The following ATF7 variants were observed in gnomAD, a reference collection of about 807,000 sequenced individuals.
The protein encoded by ATF7 is cyclic AMP-dependent transcription factor ATF-7.
Under a neutral mutation model 50.4 loss-of-function variants are expected in ATF7, and 10 were observed. That is an observed-to-expected ratio of 0.20 (90% CI 0.12 to 0.34). ATF7 has a LOEUF of 0.34. Ranked by LOEUF, ATF7 falls within the 10% of genes least tolerant of loss-of-function variation. The pLI is 1.00. For synonymous variants in ATF7, 201 were observed against 226.4 expected (o/e 0.89, Z 1.01); for missense variants, 465 against 613.9 (o/e 0.76, Z 2.56).
chr12:53,612,840 C>T (rs954738271), intron 1 of ATF7, among the ~76,000 whole-genome samples: 1 of 152,066 alleles, frequency 6.6e-6, no homozygotes, highest in Non-Finnish European at 1.5e-5. Context: ...CCTGTCTCTA[C>T]TAAAAATACA....
At chr12:53,557,771 A>G (rs766277056) in intron 2 of ATF7, among the ~76,000 whole-genome samples, 6 of 152,240 alleles carry the variant, frequency 3.9e-5, no homozygotes, top group Non-Finnish European at 7.3e-5. Flanking sequence ...CTAGCCACAC[A>G]TAGCTATTGA....
chr12:53,571,569 A>G (rs1282449482), intron 2 of ATF7, among the ~76,000 whole-genome samples: 1 of 151,478 alleles, frequency 6.6e-6, no homozygotes, highest in East Asian at 1.9e-4. Context: ...CAGAAGACTG[A>G]GAAGGGAGGA....
At chr12:53,511,422 G>C (rs1198868371), downstream of ATF7, among the ~76,000 whole-genome samples, 2 of 152,122 alleles carry the variant, frequency 1.3e-5, no homozygotes, top group Non-Finnish European at 2.9e-5. Flanking sequence ...GCTAATTTTT[G>C]TATTTTTAGT....
intron 3 of ATF7, among the ~76,000 whole-genome samples, chr12:53,546,281 C>T (rs954635201): frequency 6.6e-6 from 1 of 151,754 alleles, no homozygotes; most frequent in African/African-American, 2.4e-5. Context: ...CTAGTTTTTT[C>T]AGAGATTGGG....
chr12:53,599,825 C>T (rs1943315565), intron 2 of ATF7, among the ~76,000 whole-genome samples: 1 of 152,114 alleles, frequency 6.6e-6, no homozygotes, highest in African/African-American at 2.4e-5. Flanking sequence ...GAAACTCAAC[C>T]CTTTGAGTTC....
At position 53,548,584 on chromosome 12, in the gene ATF7, C is replaced by T. The variant is rs566793691; in HGVS notation, c.145+3957G>A. Among the ~76,000 whole-genome samples, 12 of 152,254 alleles carry T rather than the reference C, an allele frequency of 7.9e-5. No individual in the cohort carries two copies. In the East Asian group the frequency reaches 1.7e-3, roughly 22 times the overall value. On this transcript the variant is annotated intron_variant, in intron 3 of 11. Coordinates refer to ENST00000420353, the MANE Select transcript of ATF7 (RefSeq NM_006856.3). The stretch of plus-strand genomic sequence containing the variant: ...CTGGGCTCAAGTGATCCTCCTACCT[C>T]GGCCTCTCAAAGTGCTGGGATTATA...
chr12:53,556,784 A>G (rs10783582), intron 2 of ATF7, among the ~76,000 whole-genome samples: 72,687 of 152,010 alleles, frequency 0.48, 17,518 homozygotes, highest in East Asian at 0.74. Context: ...GGTGCTTGGT[A>G]CGCCCTTACT....
Position 53,523,418 on chromosome 12 carries a change from A to G in ATF7, c.1126-34T>C, listed in dbSNP as rs770847625. Reference sequence around the variant, plus strand: ...GGAGGGAAGAAAAGAGTATCAAGAAAATTCATCCTCTACTCTTGCACCCTC... The same window carrying G: ...GGAGGGAAGAAAAGAGTATCAAGAAGATTCATCCTCTACTCTTGCACCCTC... On this transcript the variant is annotated intron_variant, in intron 10 of 11. Coordinates refer to ENST00000420353, the MANE Select transcript of ATF7 (RefSeq NM_006856.3). 4.0e-6 allele frequency: 6 copies of G among 1,489,272 alleles called. No homozygotes were observed. In the South Asian group the frequency reaches 6.8e-5, roughly 17 times the overall value. The allele number at this position is 1,489,272 out of a possible 1,614,324, so 92.3% of individuals were successfully genotyped here. A position where few individuals can be genotyped will look rare whatever the true frequency, so the allele number is the denominator to read the frequency against.
intron 2 of ATF7, among the ~76,000 whole-genome samples, chr12:53,574,226 A>T (rs1941930711): frequency 6.6e-6 from 1 of 152,146 alleles, no homozygotes; most frequent in Admixed American, 6.5e-5. Flanking sequence ...GAGAGATGAA[A>T]ATTCTAAGAA....
intron 11 of ATF7, among the ~76,000 whole-genome samples, chr12:53,520,632 A>C (rs1938062922): frequency 6.6e-6 from 1 of 152,022 alleles, no homozygotes; most frequent in Non-Finnish European, 1.5e-5. Context: ...TAACCAACTG[A>C]CTGCTTGACA....
Position 53,524,725 on chromosome 12 carries a change from G to GC in ATF7, c.963dup (p.Arg322AlafsTer8), listed in dbSNP as rs1349165302. On this transcript the variant is annotated frameshift_variant, in exon 10 of 12. Transcript: ENST00000420353. LOFTEE classifies it high-confidence loss of function. The surrounding 1 kb of genome is among the most constrained non-coding windows in gnomAD (Gnocchi z 4.6). ...TCTTCATCTACTGTGCGCCGCCGTC[G>GC]CCCCCCAGTACTAGGGGTGGGCTGA... 6.2e-7 allele frequency: 1 copy of GC among 1,611,426 alleles called. No homozygotes were observed. The highest frequency in any genetic ancestry group is 8.5e-7 in the Non-Finnish European group (1 of 1,179,196).
intron 11 of ATF7, among the ~76,000 whole-genome samples, chr12:53,519,697 T>C (rs982386210): frequency 1.3e-5 from 2 of 152,170 alleles, no homozygotes; most frequent in African/African-American, 4.8e-5. Context: ...CGTATATAGA[T>C]TATATACTGA....
At position 53,513,234 on chromosome 12, in the gene ATF7, G is replaced by A. The variant is rs546905954; in HGVS notation, c.*3903C>T. 1 of 152,184 alleles carries A rather than the reference G, an allele frequency of 6.6e-6. No individual in the cohort carries two copies. Among genetic ancestry groups the A allele is most frequent in the African/African-American group, 2.4e-5 (1 of 41,426 alleles). 9.4% of individuals were successfully genotyped at this position (152,184 alleles called of 1,614,324 possible). On this transcript the variant is annotated 3_prime_UTR_variant, in exon 12 of 12. Coordinates refer to ENST00000420353, the MANE Select transcript of ATF7 (RefSeq NM_006856.3). ...GGGGTAGGACTTTACCCCAAAGAGAGACAACACAGCTGATGCAGACGGTGG... is the reference window on the plus strand; with the variant it reads ...GGGGTAGGACTTTACCCCAAAGAGAAACAACACAGCTGATGCAGACGGTGG...
At chr12:53,519,100 A>C (rs1198423920) in intron 11 of ATF7, among the ~76,000 whole-genome samples, 1 of 151,794 alleles carries the variant, frequency 6.6e-6, no homozygotes, top group Non-Finnish European at 1.5e-5. Flanking sequence ...CTGTGAAGCC[A>C]TCTTTGTTAC....
In ATF7 at chr12:53,587,141, C is replaced by T. The variant is rs547077163; in HGVS notation, c.48+13812G>A. On this transcript the variant is annotated intron_variant, in intron 2 of 11. Transcript: ENST00000420353. ...CAACACTTTGGGAGGCTGAGGAGGG[C>T]GGATCACTTGAAGTCAAGAGTTTGA... Among the ~76,000 whole-genome samples the T allele has an allele frequency of 5.3e-5, 8 of 152,040 alleles. No homozygotes were observed. In the South Asian group the frequency reaches 1.7e-3, roughly 32 times the overall value.
intron 1 of ATF7, among the ~76,000 whole-genome samples, chr12:53,608,218 C>CAAA (rs71444811): frequency 3.4e-5 from 3 of 89,026 alleles, no homozygotes; most frequent in Admixed American, 2.3e-4. Flanking sequence ...GACTCTGTCT[C>CAAA]AAAAAAAAAA....
rs1939012116 is a variant in ATF7 at position 53,533,234 on chromosome 12, C to G, written c.586G>C (p.Val196Leu). Reference sequence around the variant, plus strand: ...GTCTGTCCATTAGCAAGATGCATGACAAGAGGGAGGGAGCCAGTGGGAGAC... The same window carrying G: ...GTCTGTCCATTAGCAAGATGCATGAGAAGAGGGAGGGAGCCAGTGGGAGAC... ...MGSPTGSLPL[V>L]MHLANGQTMP... Residue 196 changes from valine (V) to leucine (L), a missense_variant, in exon 7 of 12, where the codon GTC (valine) becomes CTC (leucine). By Grantham distance (32) the Val-to-Leu change is conservative. Transcript: ENST00000420353. The G allele has an allele frequency of 1.9e-6, 3 of 1,613,648 alleles. No homozygotes were observed. The highest frequency in any genetic ancestry group is 1.3e-5 in the African/African-American group (1 of 74,904).
At chr12:53,609,257 C>T (rs1375084126) in intron 1 of ATF7, among the ~76,000 whole-genome samples, 3 of 151,256 alleles carry the variant, frequency 2.0e-5, no homozygotes, top group East Asian at 1.9e-4. Context: ...CAGGTTCAAG[C>T]GATTCTCCTG....
At chr12:53,579,791 C>A (rs1200792689) in intron 2 of ATF7, among the ~76,000 whole-genome samples, 1 of 152,144 alleles carries the variant, frequency 6.6e-6, no homozygotes, top group East Asian at 1.9e-4. Context: ...AGCCTGCCAG[C>A]ATGTATGTTT....
Sources: gnomAD v4.1 joint callset for allele counts (sites outside exome capture counted in the v4.1 genomes callset) on GRCh38, gnomAD v4.1.1 for gene constraint, Gnocchi (gnomAD v3.1) non-coding constraint, MANE v1.5 for transcripts, NCBI Gene and HGNC (gene_info 2026-07-23, HGNC 2026-07-21) for gene names.